The following MCU variants were observed in gnomAD, a reference collection of about 807,000 sequenced individuals.
MCU encodes the protein mitochondrial calcium uniporter, also known as calcium uniporter protein, mitochondrial.
A neutral mutation model predicts 45.2 loss-of-function variants in MCU; 12 were observed. The observed-to-expected ratio is 0.27, with a 90% CI of 0.17 to 0.43. MCU has a LOEUF of 0.43. Among genes scored for constraint, MCU ranks in the 20% least tolerant of loss-of-function variants. The pLI, the probability that MCU is intolerant of heterozygous loss-of-function variation, is 1.00. For synonymous variants in MCU, 160 were observed against 165.1 expected (o/e 0.97, Z 0.24); for missense variants, 324 against 436.7 (o/e 0.74, Z 2.30).
chr10:72,729,422 A>G (rs1445769132), intron 1 of MCU, among the ~76,000 whole-genome samples: 2 of 152,232 alleles, frequency 1.3e-5, no homozygotes, highest in Non-Finnish European at 2.9e-5. Flanking sequence ...GTGAGCCGAG[A>G]TTGCATCACT....
chr10:72,862,213 C>T (rs1037373170), intron 4 of MCU, among the ~76,000 whole-genome samples: 2 of 151,788 alleles, frequency 1.3e-5, no homozygotes, highest in African/African-American at 4.8e-5. Flanking sequence ...GATCTCCTGA[C>T]CTTGTGATCT....
At chr10:72,736,330 G>A (rs1002599985) in intron 1 of MCU, among the ~76,000 whole-genome samples, 2 of 152,094 alleles carry the variant, frequency 1.3e-5, no homozygotes, top group Non-Finnish European at 2.9e-5. Context: ...TCCAAGGTTT[G>A]GATTATCAGA....
rs1589505297 is a variant in MCU at position 72,868,713 on chromosome 10, T to A, written c.507T>A (p.Ser169Arg). ...TAACTTTTGTTTCAGACCTCTTAAGTCATGAAAATGCAGCAACGCTGAATG... is the reference window on the plus strand; with the variant it reads ...TAACTTTTGTTTCAGACCTCTTAAGACATGAAAATGCAGCAACGCTGAATG... ...HVRPPKRDLLSHENAATLNDV... is the reference protein window; with the variant it reads ...HVRPPKRDLLRHENAATLNDV... The change falls in exon 5 of 8, where the codon AGT becomes AGA. Residue 169 changes from serine (S) to arginine (R), a missense_variant. Transcript: ENST00000373053. 6 of 1,613,236 alleles carry A rather than the reference T, an allele frequency of 3.7e-6. No individual in the cohort carries two copies. In the East Asian group the frequency reaches 1.3e-4, roughly 36 times the overall value.
intron 1 of MCU, among the ~76,000 whole-genome samples, chr10:72,802,211 G>C (rs1448681663): frequency 6.6e-6 from 1 of 152,136 alleles, no homozygotes. Flanking sequence ...TAGTGTTCCT[G>C]AGGATTTTCC....
chr10:72,715,418 A>G (rs1842944967), intron 1 of MCU, among the ~76,000 whole-genome samples: 1 of 152,170 alleles, frequency 6.6e-6, no homozygotes, highest in Non-Finnish European at 1.5e-5. Flanking sequence ...TGCACAATAG[A>G]ATATTTTTAC....
intron 2 of MCU, among the ~76,000 whole-genome samples, chr10:72,856,936 C>CAAAA (rs71021541): frequency 3.8e-5 from 3 of 79,684 alleles, no homozygotes; most frequent in African/African-American, 9.5e-5. Context: ...CAAGATGTCT[C>CAAAA]AAAAAAAAAA....
chr10:72,703,908 C>T (rs1842787494), intron 1 of MCU, among the ~76,000 whole-genome samples: 1 of 151,888 alleles, frequency 6.6e-6, no homozygotes, highest in Admixed American at 6.6e-5. Context: ...ACAACAACAA[C>T]AACAACAACA....
At position 72,868,879 on chromosome 10, in the gene MCU, T is replaced by C. The variant is rs763392876; in HGVS notation, c.657+16T>C. The C allele has an allele frequency of 1.2e-6, 2 of 1,610,406 alleles. No individual in the cohort carries two copies. Among genetic ancestry groups the C allele is most frequent in the Non-Finnish European group, 1.7e-6 (2 of 1,178,804 alleles). ...CCTGGAAAAGGTAAAACTTCCAATCTCAGGTTTTTTACCTTAACCTGTATT... is the reference window on the plus strand; with the variant it reads ...CCTGGAAAAGGTAAAACTTCCAATCCCAGGTTTTTTACCTTAACCTGTATT... On this transcript the variant is annotated intron_variant, in intron 5 of 7. Transcript: ENST00000373053.
At chr10:72,815,983 A>T (rs1844619315) in intron 1 of MCU, among the ~76,000 whole-genome samples, 1 of 152,188 alleles carries the variant, frequency 6.6e-6, no homozygotes, top group East Asian at 1.9e-4. Flanking sequence ...GTTCAAGATC[A>T]GCCTGGCCAA....
rs186699439 is a variant in MCU, at chr10:72,876,439, A to G, written c.861+4859A>G. 2.6e-5 allele frequency among the ~76,000 whole-genome samples: 4 copies of G among 152,254 alleles called. No individual in the cohort carries two copies. In the East Asian group the frequency reaches 5.8e-4, roughly 22 times the overall value. On this transcript the variant is annotated intron_variant, in intron 6 of 7. Transcript: ENST00000373053. ...TTTTGTCTTTTACAGTATGTACTCT[A>G]TAAACTCCTAATATTGGACTAATCT... is the stretch of plus-strand genomic sequence containing the variant.
At chr10:72,774,515 G>A (rs2132741712) in intron 1 of MCU, among the ~76,000 whole-genome samples, 1 of 152,146 alleles carries the variant, frequency 6.6e-6, no homozygotes, top group South Asian at 2.1e-4. Flanking sequence ...CAGAAAATAA[G>A]CCACAAAATG....
At chr10:72,747,270 A>G (rs1468316922) in intron 1 of MCU, among the ~76,000 whole-genome samples, 1 of 152,258 alleles carries the variant, frequency 6.6e-6, no homozygotes, top group Non-Finnish European at 1.5e-5. Context: ...TACGAATGTT[A>G]TAGATACTTA....
rs1015617150 is a variant in MCU, at chr10:72,805,101, C to T, written c.151-29258C>T. Among the ~76,000 whole-genome samples the T allele has an allele frequency of 6.9e-3, 718 of 103,380 alleles. 14 individuals are homozygous for T. Among genetic ancestry groups the T allele is most frequent in the African/African-American group, 0.023 (546 of 23,248 alleles). The allele number at this position is 103,380 out of a possible 152,430, so 67.8% of individuals were successfully genotyped here. On this transcript the variant is annotated intron_variant, in intron 1 of 7. Transcript: ENST00000373053. ...TGTTTCTTTCTTTCTTTCTTTCTTT[C>T]TCTTTCTTTCTTTCTTTCTTTCTTT... is the stretch of plus-strand genomic sequence containing the variant.
chr10:72,873,620 A>G (rs1845579840), intron 6 of MCU, among the ~76,000 whole-genome samples: 2 of 152,118 alleles, frequency 1.3e-5, no homozygotes, highest in African/African-American at 2.4e-5. Flanking sequence ...ATATAATCCC[A>G]TCTGTCTATT....
At chr10:72,696,105 T>C (rs1237659789) in intron 1 of MCU, among the ~76,000 whole-genome samples, 2 of 129,964 alleles carry the variant, frequency 1.5e-5, no homozygotes, top group Middle Eastern at 5.1e-3. Context: ...GAGGTTGTAG[T>C]GAGCCAAGAT....
At chr10:72,778,820 G>A (rs192204263) in intron 1 of MCU, among the ~76,000 whole-genome samples, 8 of 151,638 alleles carry the variant, frequency 5.3e-5, no homozygotes, top group African/African-American at 1.7e-4. Flanking sequence ...AGCAACAAAG[G>A]ATTTTTCAGT....
intron 1 of MCU, 25 bp downstream of exon 1, chr10:72,692,326 CG>C: frequency 1.7e-6 from 2 of 1,196,820 alleles, no homozygotes; most frequent in Non-Finnish European, 2.1e-6. Context: ...CCGGAGGCTC[CG>C]GGGAGGGCGG....
intron 1 of MCU, among the ~76,000 whole-genome samples, chr10:72,710,132 T>C (rs563531872): frequency 3.9e-4 from 59 of 152,238 alleles, no homozygotes; most frequent in Non-Finnish European, 7.4e-4. Flanking sequence ...CATGCCACCA[T>C]GCCCGGCTAA....
At chr10:72,831,082 A>G (rs555581450) in intron 1 of MCU, among the ~76,000 whole-genome samples, 1 of 152,370 alleles carries the variant, frequency 6.6e-6, no homozygotes, top group South Asian at 2.1e-4. Context: ...CATAGAGTCC[A>G]TTGATCTATA....
Sources: gnomAD v4.1 joint callset for allele counts (sites outside exome capture counted in the v4.1 genomes callset) on GRCh38, gnomAD v4.1.1 for gene constraint, MANE v1.5 for transcripts, NCBI Gene and HGNC (gene_info 2026-07-23, HGNC 2026-07-21) for gene names.